RANBP2: variants seen among roughly 807,000 people sequenced by gnomAD.
The protein encoded by RANBP2 is E3 SUMO-protein ligase RanBP2.
A neutral mutation model predicts 303.6 loss-of-function variants in RANBP2; 57 were observed. The ratio of observed to expected loss-of-function variants is 0.19; its 90% CI spans 0.15 to 0.23. The LOEUF is 0.23. Ranked by LOEUF, RANBP2 falls within the 10% of genes least tolerant of loss-of-function variation. RANBP2 has a pLI of 1.00. For missense variants in RANBP2, 3,138 were observed against 3,780.8 expected (o/e 0.83, Z 4.46); for synonymous variants, 1,167 against 1,301.5 (o/e 0.90, Z 2.23).
the RANBP2 span, among the ~76,000 whole-genome samples, chr2:109,357,070 A>C: frequency 2.6e-5 from 4 of 151,178 alleles, no homozygotes; most frequent in Non-Finnish European, 5.9e-5. Flanking sequence ...ATTTTTTTTT[A>C]TTATGTTATA....
At chr2:109,147,455 C>T in the RANBP2 span, among the ~76,000 whole-genome samples, 1,182 of 152,184 alleles carry the variant, frequency 7.8e-3, 13 homozygotes, top group East Asian at 0.033. Flanking sequence ...CATATCTGTG[C>T]GTATTTATAA....
the RANBP2 span, chr2:108,856,796 G>A: frequency 6.2e-7 from 1 of 1,612,356 alleles, no homozygotes; most frequent in Admixed American, 1.7e-5. Flanking sequence ...TTTTCCAGCT[G>A]ATTACCTGGC....
chr2:108,740,217 A>G (rs1256397557), intron 6 of RANBP2, among the ~76,000 whole-genome samples: 3 of 152,348 alleles, frequency 2.0e-5, no homozygotes, highest in East Asian at 1.9e-4. Context: ...ATGTGCACCT[A>G]TAATCACTGA....
chr2:109,170,249 CTT>C, the RANBP2 span, among the ~76,000 whole-genome samples: 3 of 5,874 alleles, frequency 5.1e-4, no homozygotes, highest in East Asian at 7.8e-3. Flanking sequence ...TTTCTTTTCT[CTT>C]CTCTTCTCTT....
At chr2:108,875,329 AAAAAAAAG>A in the RANBP2 span, among the ~76,000 whole-genome samples, 38 of 136,380 alleles carry the variant, frequency 2.8e-4, 1 homozygote, top group East Asian at 0.14. Flanking sequence ...TAAAAAAAAA[AAAAAAAAG>A]AAACAAATTC....
At chr2:109,420,667 G>C in the RANBP2 span, among the ~76,000 whole-genome samples, 10,219 of 152,108 alleles carry the variant, frequency 0.067, 1,002 homozygotes, top group African/African-American at 0.22. Context: ...GGATGGTCTC[G>C]ATCTCCTGAT....
chr2:109,329,038 A>C, the RANBP2 span, among the ~76,000 whole-genome samples: 146 of 152,298 alleles, frequency 9.6e-4, 3 homozygotes, highest in Middle Eastern at 0.014. Flanking sequence ...AGAGGCAGTC[A>C]TCTTAGTCCA....
chr2:109,273,686 G>A, the RANBP2 span, among the ~76,000 whole-genome samples: 7 of 152,294 alleles, frequency 4.6e-5, no homozygotes, highest in South Asian at 2.1e-4. Context: ...GGGGACACAC[G>A]TTGTCAGGGA....
chr2:108,920,303 C>G, the RANBP2 span, among the ~76,000 whole-genome samples: 2 of 152,190 alleles, frequency 1.3e-5, no homozygotes, highest in South Asian at 4.1e-4. Flanking sequence ...GGACACTTTC[C>G]CAGGGGTGAT....
the RANBP2 span, among the ~76,000 whole-genome samples, chr2:109,335,622 G>C: frequency 2.0e-5 from 3 of 152,116 alleles, no homozygotes; most frequent in African/African-American, 4.8e-5. Context: ...ACATTCTCTA[G>C]ATTTTACTTA....
the RANBP2 span, among the ~76,000 whole-genome samples, chr2:109,355,676 T>C: frequency 6.6e-6 from 1 of 152,142 alleles, no homozygotes; most frequent in African/African-American, 2.4e-5. Context: ...TGGTATTGAG[T>C]GTGCATCTGT....
the RANBP2 span, among the ~76,000 whole-genome samples, chr2:108,908,173 G>T: frequency 2.8e-4 from 43 of 152,080 alleles, no homozygotes; most frequent in Non-Finnish European, 4.9e-4. Flanking sequence ...GTGGGCACGG[G>T]ACCAGGGGAC....
the RANBP2 span, among the ~76,000 whole-genome samples, chr2:109,074,676 G>A: frequency 6.7e-6 from 1 of 149,814 alleles, no homozygotes; most frequent in Non-Finnish European, 1.5e-5. Flanking sequence ...CTCCAGGCTG[G>A]GCAACAGAGC....
intron 28 of RANBP2, among the ~76,000 whole-genome samples, chr2:108,783,350 A>AT (rs1454199224): frequency 1.3e-5 from 2 of 150,328 alleles, no homozygotes; most frequent in Non-Finnish European, 3.0e-5. Context: ...AAAAAAAAAA[A>AT]AAAAAAAAAA....
At chr2:108,875,954 G>A in the RANBP2 span, 10 of 573,566 alleles carry the variant, frequency 1.7e-5, no homozygotes, top group Non-Finnish European at 2.7e-5. Flanking sequence ...TAATCTTTTA[G>A]TTGCCTATTT....
the RANBP2 span, chr2:108,847,039 G>T: frequency 1.4e-6 from 1 of 694,324 alleles, no homozygotes. Flanking sequence ...ATGAGGTTTT[G>T]AATTGTTTTA....
the RANBP2 span, among the ~76,000 whole-genome samples, chr2:109,043,327 A>C: frequency 2.0e-5 from 3 of 152,236 alleles, no homozygotes; most frequent in East Asian, 5.8e-4. Context: ...TTAGTAGGGA[A>C]GATGATTTTA....
chr2:109,295,241 C>T, the RANBP2 span, among the ~76,000 whole-genome samples: 1 of 152,222 alleles, frequency 6.6e-6, no homozygotes, highest in Non-Finnish European at 1.5e-5. Flanking sequence ...CTCCTTTGCA[C>T]ACACTCCCTC....
At chr2:109,296,224 G>GTAT in the RANBP2 span, among the ~76,000 whole-genome samples, 11 of 151,476 alleles carry the variant, frequency 7.3e-5, no homozygotes, top group East Asian at 5.9e-4. Flanking sequence ...GAATGACCTA[G>GTAT]TATTATTATT....
Sources: allele counts gnomAD v4.1 joint callset (sites outside exome capture counted in the v4.1 genomes callset), GRCh38; gene constraint gnomAD v4.1.1; transcripts MANE v1.5; gene names NCBI Gene and HGNC (gene_info 2026-07-23, HGNC 2026-07-21).